The following AFTPH variants were observed in gnomAD, a reference collection of about 807,000 sequenced individuals.
The protein encoded by AFTPH is aftiphilin, also known as aftiphilin protein.
A neutral mutation model predicts 72.5 loss-of-function variants in AFTPH; 7 were observed. That is an observed-to-expected ratio of 0.10 (90% CI 0.05 to 0.18). AFTPH has a LOEUF of 0.18. AFTPH is among the 10% of genes least tolerant of loss of function. The probability of loss-of-function intolerance (pLI) is 1.00; values close to 1 mark genes in which losing one functional copy is unlikely to be tolerated. For missense variants in AFTPH, 979 were observed against 1,060.5 expected, an observed-to-expected ratio of 0.92 and a Z score of 1.07; for synonymous variants, 337 against 370.1, an observed-to-expected ratio of 0.91 and a Z score of 1.03.
chr2:64,549,193 A>AT (rs1408341936), intron 1 of AFTPH, among the ~76,000 whole-genome samples: 1 of 151,684 alleles, frequency 6.6e-6, no homozygotes, highest in African/African-American at 2.4e-5. Flanking sequence ...AACTGGTTGA[A>AT]TTTTGTAGTA....
chr2:64,535,016 C>T (rs1258981961), intron 1 of AFTPH, among the ~76,000 whole-genome samples: 1 of 152,018 alleles, frequency 6.6e-6, no homozygotes, highest in Non-Finnish European at 1.5e-5. Context: ...TTGTAAACTC[C>T]TTGTTTTTGA....
intron 1 of AFTPH, among the ~76,000 whole-genome samples, chr2:64,542,268 G>A (rs570470168): frequency 2.4e-4 from 37 of 152,282 alleles, no homozygotes; most frequent in Middle Eastern, 3.4e-3. Flanking sequence ...TGAGCCCATG[G>A]ACCTTTAGGG....
intron 2 of AFTPH, among the ~76,000 whole-genome samples, chr2:64,557,811 T>C (rs1671473821): frequency 6.6e-6 from 1 of 152,264 alleles, no homozygotes; most frequent in Admixed American, 6.5e-5. Context: ...CTTATAGATC[T>C]TTCCTTATTT....
intron 2 of AFTPH, among the ~76,000 whole-genome samples, chr2:64,554,254 G>A (rs1024316133): frequency 6.6e-6 from 1 of 152,128 alleles, no homozygotes; most frequent in Non-Finnish European, 1.5e-5. Context: ...TTGACCTAAA[G>A]TAGCCCCTAG....
chr2:64,553,153 A>G (rs1671152348), exon 2 of AFTPH: 2 of 1,614,178 alleles, frequency 1.2e-6, no homozygotes, highest in East Asian at 4.5e-5. Context: ...GATTTTGCAG[A>G]CTTCAGTTCA....
At chr2:64,539,434 T>C (rs566573164) in intron 1 of AFTPH, among the ~76,000 whole-genome samples, 1 of 152,314 alleles carries the variant, frequency 6.6e-6, no homozygotes, top group Admixed American at 6.5e-5. Context: ...TCTTTAGACA[T>C]GTTGCAGCAC....
At chr2:64,542,983 C>T (rs1344470456) in intron 1 of AFTPH, among the ~76,000 whole-genome samples, 1 of 152,156 alleles carries the variant, frequency 6.6e-6, no homozygotes, top group Non-Finnish European at 1.5e-5. Context: ...AACAGTTTTC[C>T]GAATATCTGT....
At chr2:64,548,049 C>A (rs547891441) in intron 1 of AFTPH, among the ~76,000 whole-genome samples, 3 of 151,266 alleles carry the variant, frequency 2.0e-5, no homozygotes, top group Non-Finnish European at 3.0e-5. Context: ...CCTCAGCCCC[C>A]CAAAGTGCTG....
At chr2:64,552,166 T>A in exon 2 of AFTPH, 1 of 1,614,012 alleles carries the variant, frequency 6.2e-7, no homozygotes. Flanking sequence ...GCTGAGGAAT[T>A]TGCAGATTTT....
chr2:64,541,412 A>G (rs1253082206), intron 1 of AFTPH, among the ~76,000 whole-genome samples: 3 of 152,160 alleles, frequency 2.0e-5, no homozygotes, highest in Non-Finnish European at 2.9e-5. Flanking sequence ...TGTTGTGCTA[A>G]TATGCTAAGA....
At chr2:64,555,434 A>G (rs1209546690) in intron 2 of AFTPH, among the ~76,000 whole-genome samples, 3 of 152,072 alleles carry the variant, frequency 2.0e-5, no homozygotes, top group African/African-American at 2.4e-5. Flanking sequence ...GGTGACGTGC[A>G]TCTGTAATCC....
At chr2:64,561,933 A>T (rs1671767870) in intron 2 of AFTPH, among the ~76,000 whole-genome samples, 1 of 152,202 alleles carries the variant, frequency 6.6e-6, no homozygotes, top group Non-Finnish European at 1.5e-5. Flanking sequence ...CCCTTATCTA[A>T]TTATGGCTAG....
At chr2:64,578,407 ACAAC>A (rs1469858971) in intron 6 of AFTPH, among the ~76,000 whole-genome samples, 2 of 152,250 alleles carry the variant, frequency 1.3e-5, no homozygotes, top group East Asian at 1.9e-4. Flanking sequence ...AAAGAAAAAA[ACAAC>A]CAACATTTTT....
chr2:64,547,958 GT>G (rs572211420), intron 1 of AFTPH, among the ~76,000 whole-genome samples: 2 of 151,178 alleles, frequency 1.3e-5, no homozygotes, highest in South Asian at 4.2e-4. Context: ...CTAATATTTT[GT>G]TTTTTTTGTA....
chr2:64,580,742 A>G (rs1367486087), intron 7 of AFTPH: 1 of 153,094 alleles, frequency 6.5e-6, no homozygotes, highest in Non-Finnish European at 1.5e-5. Context: ...TGAAACTGAC[A>G]ACTTTGTCAC....
chr2:64,577,835 C>T (rs533549342), intron 6 of AFTPH, among the ~76,000 whole-genome samples: 4 of 152,304 alleles, frequency 2.6e-5, no homozygotes, highest in African/African-American at 9.6e-5. Flanking sequence ...CCAGTTTCCT[C>T]CATGGTTACA....
intron 1 of AFTPH, among the ~76,000 whole-genome samples, chr2:64,537,399 C>G (rs900626352): frequency 7.2e-5 from 11 of 152,090 alleles, no homozygotes; most frequent in African/African-American, 2.7e-4. Flanking sequence ...TGTAACAAAC[C>G]TGCACATGTA....
exon 9 of AFTPH, chr2:64,592,049 G>C: frequency 6.2e-7 from 1 of 1,608,838 alleles, no homozygotes. Flanking sequence ...ATGTGAATTG[G>C]ACAGTTTCTA....
intron 1 of AFTPH, among the ~76,000 whole-genome samples, chr2:64,549,917 A>G (rs974616737): frequency 2.6e-5 from 4 of 152,232 alleles, no homozygotes; most frequent in African/African-American, 9.6e-5. Context: ...TTTATATGAC[A>G]GCAAAATAAT....
Sources: gnomAD v4.1 joint callset for allele counts (sites outside exome capture counted in the v4.1 genomes callset) on GRCh38, gnomAD v4.1.1 for gene constraint, MANE v1.5 for transcripts, NCBI Gene and HGNC (gene_info 2026-07-23, HGNC 2026-07-21) for gene names.